Variants in AMMECR1 observed in about 807,000 individuals in gnomAD.
AMMECR1 encodes the protein nuclear protein AMMECR1.
A neutral mutation model predicts 22.5 loss-of-function variants in AMMECR1; 3 were observed. The ratio of observed to expected loss-of-function variants is 0.13; its 90% CI spans 0.06 to 0.35. AMMECR1 has a LOEUF of 0.35. Ranked by LOEUF, AMMECR1 falls within the 10% of genes least tolerant of loss-of-function variation. The probability of loss-of-function intolerance (pLI) is 1.00; values close to 1 mark genes in which losing one functional copy is unlikely to be tolerated. For missense variants in AMMECR1, 235 were observed against 278.7 expected (o/e 0.84, Z 1.12); for synonymous variants, 130 against 116.7 (o/e 1.11, Z -0.74).
chrX:110,412,729 C>T (rs2068649341), intron 2 of AMMECR1, among the ~76,000 whole-genome samples: 1 of 112,191 alleles, frequency 8.9e-6, no homozygotes, highest in South Asian at 3.7e-4. Flanking sequence ...TCTTTAAATA[C>T]TGATGTGCAA....
At chrX:110,283,732 T>C (rs2067864602) in intron 1 of AMMECR1, among the ~76,000 whole-genome samples, 1 of 112,264 alleles carries the variant, frequency 8.9e-6, no homozygotes, top group South Asian at 3.7e-4. Flanking sequence ...ATTCAACATA[T>C]AAATCTGGTG....
intron 2 of AMMECR1, among the ~76,000 whole-genome samples, chrX:110,405,791 AAGTGGAGGAGCC>A (rs1486204301): frequency 1.8e-5 from 2 of 111,840 alleles, no homozygotes; most frequent in African/African-American, 6.5e-5. Context: ...CCCAGCTAGT[AAGTGGAGGAGCC>A]AGAACTTAAA....
At chrX:110,430,770 A>G (rs2068790971) in intron 1 of AMMECR1, among the ~76,000 whole-genome samples, 1 of 112,591 alleles carries the variant, frequency 8.9e-6, no homozygotes, top group Non-Finnish European at 1.9e-5. Flanking sequence ...GAAATGCTCA[A>G]CATAGATTTG....
chrX:110,237,351 G>C (rs777015256), intron 2 of AMMECR1, among the ~76,000 whole-genome samples: 1 of 110,830 alleles, frequency 9.0e-6, no homozygotes, highest in East Asian at 2.8e-4. Context: ...TTTCAGGTTA[G>C]TAAGCAGTCT....
intron 2 of AMMECR1, among the ~76,000 whole-genome samples, chrX:110,357,429 A>C (rs908719260): frequency 1.9e-4 from 21 of 112,285 alleles, no homozygotes; most frequent in Non-Finnish European, 3.4e-4. Flanking sequence ...CCTTGATATG[A>C]AATGCAAGCA....
chrX:110,323,305 A>T (rs755534364), intron 2 of AMMECR1, among the ~76,000 whole-genome samples: 10 of 112,062 alleles, frequency 8.9e-5, no homozygotes, highest in African/African-American at 2.6e-4. Context: ...GATGATTTTT[A>T]GAATATTCAT....
chrX:110,214,921 C>A (rs1284988653), intron 3 of AMMECR1, among the ~76,000 whole-genome samples: 1 of 111,046 alleles, frequency 9.0e-6, no homozygotes, highest in African/African-American at 3.3e-5. Context: ...GAAACAGCAG[C>A]CTTAAAACAG....
chrX:110,331,147 C>G (rs2068119384), intron 2 of AMMECR1, among the ~76,000 whole-genome samples: 1 of 108,929 alleles, frequency 9.2e-6, no homozygotes, highest in Non-Finnish European at 1.9e-5. Context: ...AAGGAGAACC[C>G]CAAACTCTCT....
chrX:110,337,236 G>T (rs2148236865), intron 2 of AMMECR1, among the ~76,000 whole-genome samples: 1 of 111,715 alleles, frequency 9.0e-6, no homozygotes, highest in South Asian at 3.8e-4. Flanking sequence ...AGGATTAAAT[G>T]AGATAATATA....
intron 2 of AMMECR1, among the ~76,000 whole-genome samples, chrX:110,423,564 C>G (rs559706973): frequency 8.9e-6 from 1 of 111,821 alleles, no homozygotes; most frequent in Admixed American, 9.4e-5. Context: ...ACCACTTTAA[C>G]TCAGTTTTTC....
rs181062140 is a variant in AMMECR1 at position 110,212,995 on chromosome X, C to T, written c.699+3523G>A. Among the ~76,000 whole-genome samples the T allele has an allele frequency of 1.9e-3, 213 of 111,483 alleles. 1 individual carries two copies. The highest frequency in any genetic ancestry group is 6.6e-3 in the African/African-American group (203 of 30,766). ...GAATGGTGTAATTATAAATGACTCA[C>T]ATTTCTCTCATTATATGTTTTTAAT... is the stretch of plus-strand genomic sequence containing the variant. On this transcript the variant is annotated intron_variant, in intron 3 of 5. Coordinates refer to ENST00000262844, the MANE Select transcript of AMMECR1 (RefSeq NM_015365.3).
chrX:110,374,790 A>C (rs894854114), intron 2 of AMMECR1, among the ~76,000 whole-genome samples: 7 of 110,633 alleles, frequency 6.3e-5, no homozygotes, highest in African/African-American at 2.3e-4. Flanking sequence ...ATAGGATAGG[A>C]AATGAGCTTG....
chrX:110,399,430 C>G (rs2068549810), intron 2 of AMMECR1, among the ~76,000 whole-genome samples: 1 of 112,466 alleles, frequency 8.9e-6, no homozygotes, highest in African/African-American at 3.2e-5. Flanking sequence ...AATTTGCGCT[C>G]ACAGCAGGTG....
intron 3 of AMMECR1, among the ~76,000 whole-genome samples, chrX:110,215,491 T>C (rs1360314817): frequency 8.9e-6 from 1 of 112,057 alleles, no homozygotes; most frequent in Non-Finnish European, 1.9e-5. Flanking sequence ...AAGACAGTGA[T>C]CTGTCTCCAA....
upstream of AMMECR1, among the ~76,000 whole-genome samples, chrX:110,319,466 A>G (rs2068070771): frequency 8.9e-6 from 1 of 112,193 alleles, no homozygotes; most frequent in Non-Finnish European, 1.9e-5. Flanking sequence ...GCACCATACT[A>G]TGTGCACAAC....
chrX:110,389,601 A>T (rs1348029083), intron 2 of AMMECR1, among the ~76,000 whole-genome samples: 1 of 112,095 alleles, frequency 8.9e-6, no homozygotes, highest in Non-Finnish European at 1.9e-5. Flanking sequence ...CCTTAAGGTT[A>T]TTCAATCTTT....
intron 2 of AMMECR1, among the ~76,000 whole-genome samples, chrX:110,230,715 G>A (rs147449219): frequency 9.0e-5 from 10 of 111,609 alleles, no homozygotes; most frequent in South Asian, 3.8e-4. Context: ...TCAGAAGGTC[G>A]GTAACAACAA....
chrX:110,306,454 ATTTTT>A lies in AMMECR1; in HGVS notation c.473+11140_473+11144del, dbSNP rs777004674. ...GGAGCTATGCACCTCTGGTACTTTT[ATTTTT>A]TTTATTTTTTATTTTTGAGACGGAG... is the stretch of plus-strand genomic sequence containing the variant. On this transcript the variant is annotated intron_variant, in intron 1 of 5. Coordinates refer to ENST00000262844, the MANE Select transcript of AMMECR1 (RefSeq NM_015365.3). 8.6e-4 allele frequency among the ~76,000 whole-genome samples: 95 copies of A among 110,207 alleles called. 1 individual carries two copies. The highest frequency in any genetic ancestry group is 5.5e-3 in the South Asian group (14 of 2,564).
intron 1 of AMMECR1, among the ~76,000 whole-genome samples, chrX:110,286,163 T>C (rs1424164283): frequency 1.8e-5 from 2 of 111,792 alleles, no homozygotes; most frequent in Non-Finnish European, 3.8e-5. Context: ...CTAACGAACA[T>C]AAGTATACTT....
Sources: allele counts gnomAD v4.1 joint callset (sites outside exome capture counted in the v4.1 genomes callset), GRCh38; gene constraint gnomAD v4.1.1; transcripts MANE v1.5; gene names NCBI Gene and HGNC (gene_info 2026-07-23, HGNC 2026-07-21).